ENO4: variants seen among roughly 807,000 people sequenced by gnomAD.
ENO4 encodes 2-phospho-D-glycerate hydro-lyase.
In ENO4, 53 loss-of-function variants were observed where a neutral mutation model predicts 63.2. The ratio of observed to expected loss-of-function variants is 0.84; its 90% confidence interval spans 0.67 to 1.05. The LOEUF (loss-of-function observed/expected upper bound fraction) is 1.05. Among genes scored for constraint, ENO4 ranks in the 50% least tolerant of loss-of-function variants. The probability of loss-of-function intolerance (pLI) is 0.00; values close to 1 mark genes in which losing one functional copy is unlikely to be tolerated. For synonymous variants in ENO4, 266 were observed against 283.8 expected (o/e 0.94, Z 0.63); for missense variants, 719 against 772.0 (o/e 0.93, Z 0.81).
chr10:116,907,747 A>G (rs1439691592), intron 10 of ENO4, among the ~76,000 whole-genome samples: 1 of 152,138 alleles, frequency 6.6e-6, no homozygotes, highest in Non-Finnish European at 1.5e-5. Flanking sequence ...ACCATACATA[A>G]TCTTTTGATC....
chr10:116,879,528 A>G (rs1162972582), intron 12 of ENO4, among the ~76,000 whole-genome samples, 170 bp downstream of exon 12: 2 of 152,234 alleles, frequency 1.3e-5, no homozygotes, highest in Non-Finnish European at 2.9e-5. Flanking sequence ...TTTTAAAAAG[A>G]AGAAAAATTG....
intron 10 of ENO4, among the ~76,000 whole-genome samples, chr10:116,895,670 T>C (rs1330205066): frequency 1.3e-5 from 2 of 152,216 alleles, no homozygotes; most frequent in Non-Finnish European, 2.9e-5. Context: ...AGGAATCTTA[T>C]GGTCATTCTT....
chr10:116,857,435 G>T (rs1001156505), intron 3 of ENO4, among the ~76,000 whole-genome samples: 2 of 152,152 alleles, frequency 1.3e-5, no homozygotes, highest in Admixed American at 1.3e-4. Context: ...TAACAAGGAA[G>T]CATTTACTAG....
chr10:116,851,557 C>G (rs528958355), intron 1 of ENO4, among the ~76,000 whole-genome samples: 1 of 152,336 alleles, frequency 6.6e-6, no homozygotes, highest in East Asian at 1.9e-4. Context: ...TAGTTTTGGC[C>G]GTGCTTACTC....
At chr10:116,911,824 C>T (rs1229300046), downstream of ENO4, 5 of 1,612,654 alleles carry the variant, frequency 3.1e-6, no homozygotes, top group African/African-American at 1.3e-5. Flanking sequence ...TGCACTTTCG[C>T]AGCCTTTCGA....
intron 13 of ENO4, 80 bp downstream of exon 13, chr10:116,880,066 C>T: frequency 8.8e-7 from 1 of 1,132,810 alleles, no homozygotes; most frequent in Non-Finnish European, 1.3e-6. Flanking sequence ...ATAGAAGTCC[C>T]TCTGCAGGAG....
intron 10 of ENO4, chr10:116,911,464 T>C (rs1198466765): frequency 1.3e-6 from 2 of 1,548,108 alleles, no homozygotes; most frequent in East Asian, 2.4e-5. Flanking sequence ...ATTTCTGTTT[T>C]TCATCAACAT....
chr10:116,869,364 A>G (rs1316368238), intron 8 of ENO4, among the ~76,000 whole-genome samples: 2 of 152,192 alleles, frequency 1.3e-5, no homozygotes, highest in African/African-American at 4.8e-5. Context: ...GAGCATGCAC[A>G]TGGGTGAAGG....
intron 10 of ENO4, 85 bp downstream of exon 10, chr10:116,874,286 C>A (rs1344430433): frequency 3.8e-6 from 4 of 1,042,388 alleles, no homozygotes; most frequent in Admixed American, 6.4e-5. Context: ...TTATAACTCA[C>A]CTTTTATATT....
At chr10:116,850,036 C>G in intron 1 of ENO4, 9 of 503,488 alleles carry the variant, frequency 1.8e-5, no homozygotes, top group South Asian at 2.0e-5. Flanking sequence ...GAGGCCTCTC[C>G]GTTTGTGGGC....
At chr10:116,877,520 G>T (rs894438163) in intron 11 of ENO4, among the ~76,000 whole-genome samples, 2 of 152,150 alleles carry the variant, frequency 1.3e-5, no homozygotes, top group African/African-American at 4.8e-5. Flanking sequence ...ATTAGAAGCA[G>T]TTTTCTGTCA....
chr10:116,878,105 C>T (rs559153726), intron 11 of ENO4, among the ~76,000 whole-genome samples: 4 of 152,342 alleles, frequency 2.6e-5, no homozygotes, highest in East Asian at 1.9e-4. Context: ...CTTTGTAATA[C>T]GGACCACAAT....
In ENO4 at chr10:116,861,088, G is replaced by A. The variant is rs774919854; in HGVS notation, c.834G>A (p.Leu278=). ...QEQPTTLSMP[L]LMVSLVSCGK... ...AGCCAACAACGCTATCTATGCCTTT[G>A]CTGATGGTATCGCTGGTCAGCTGTG... Residue 278 remains leucine (L), a synonymous_variant, in exon 6 of 14, where the codon TTG becomes TTA. Coordinates refer to ENST00000341276, the MANE Select transcript of ENO4 (RefSeq NM_001242699.2). 48 of 1,548,696 alleles carry A rather than the reference G, an allele frequency of 3.1e-5. No individual in the cohort carries two copies. Among genetic ancestry groups the A allele is most frequent in the Non-Finnish European group, 3.9e-5 (45 of 1,146,328 alleles).
chr10:116,887,369 G>A (rs1480996497), downstream of ENO4, among the ~76,000 whole-genome samples: 1 of 152,152 alleles, frequency 6.6e-6, no homozygotes, highest in Non-Finnish European at 1.5e-5. Flanking sequence ...GCTGAGCTGC[G>A]GCCTGAAGGT....
intron 1 of ENO4, chr10:116,850,288 G>T (rs1423293347): frequency 6.0e-6 from 1 of 167,936 alleles, no homozygotes; most frequent in Non-Finnish European, 1.3e-5. Context: ...TGCCCACGTA[G>T]CCCTGGACCA....
At chr10:116,862,275 C>A (rs1013865271) in intron 6 of ENO4, among the ~76,000 whole-genome samples, 2 of 151,910 alleles carry the variant, frequency 1.3e-5, no homozygotes, top group Non-Finnish European at 2.9e-5. Flanking sequence ...ACCAGCCTGG[C>A]CAACATGGCA....
At chr10:116,855,068 G>A (rs1381731805) in intron 1 of ENO4, among the ~76,000 whole-genome samples, 5 of 152,008 alleles carry the variant, frequency 3.3e-5, no homozygotes, top group Admixed American at 3.3e-4. Flanking sequence ...GCCAAGGTGG[G>A]TGAATCACGA....
chr10:116,849,601 C>T lies in ENO4; in HGVS notation c.35C>T (p.Thr12Ile). 4 of 1,549,278 alleles carry T rather than the reference C, an allele frequency of 2.6e-6. No individual in the cohort carries two copies. Among genetic ancestry groups the T allele is most frequent in the South Asian group, 1.2e-5 (1 of 83,840 alleles). The change falls in exon 1 of 14, where the codon ACC becomes ATC. Residue 12 changes from threonine to isoleucine, a missense_variant. By Grantham distance (89) the Thr-to-Ile change is moderately conservative. Coordinates refer to ENST00000341276, the MANE Select transcript of ENO4 (RefSeq NM_001242699.2). ...GAAGGCGGCGGCCGCAGCTGTGGGA[C>T]CACTAGGGAGCTGCAGAAGCTGAAG... ...EEEGGGRSCG[T>I]TRELQKLKQQ...
intron 9 of ENO4, among the ~76,000 whole-genome samples, chr10:116,871,628 G>A (rs1251648104): frequency 1.3e-5 from 2 of 152,112 alleles, no homozygotes; most frequent in African/African-American, 2.4e-5. Context: ...TGAATTTGTC[G>A]AACCTAAAAA....
Sources: gnomAD v4.1 joint callset for allele counts (sites outside exome capture counted in the v4.1 genomes callset) on GRCh38, gnomAD v4.1.1 for gene constraint, MANE v1.5 for transcripts, NCBI Gene and HGNC (gene_info 2026-07-23, HGNC 2026-07-21) for gene names.